The following FLT3 variants were observed in gnomAD, a reference collection of about 807,000 sequenced individuals.
FLT3 encodes receptor-type tyrosine-protein kinase FLT3.
In FLT3, 46 loss-of-function variants were observed where a neutral mutation model predicts 126.6. That is an observed-to-expected ratio of 0.36 (90% CI 0.29 to 0.46). The LOEUF (loss-of-function observed/expected upper bound fraction) is 0.46, where lower values mean the gene tolerates loss of function less well. FLT3 is among the 20% of genes least tolerant of loss of function. FLT3 has a pLI of 1.00. For synonymous variants in FLT3, 404 were observed against 434.4 expected (o/e 0.93, Z 0.87); for missense variants, 1,069 against 1,190.3 (o/e 0.90, Z 1.50).
At chr13:28,015,357 A>G (rs529050126) in intron 21 of FLT3, 101 bp from the exon 22 acceptor site, 15 of 887,512 alleles carry the variant, frequency 1.7e-5, no homozygotes, top group Middle Eastern at 2.2e-4. Context: ...TGTGCCAGAC[A>G]CTGTTGCAGG....
In FLT3 at chr13:28,036,058, G is replaced by A. The variant is rs199950860; in HGVS notation, c.1310-15C>T. 31 of 1,604,252 alleles carry A rather than the reference G, an allele frequency of 1.9e-5. No homozygotes were observed. The African/African-American group carries it at 2.5e-4, about 13-fold the overall frequency. The stretch of plus-strand genomic sequence containing the variant: ...TTGAGGTTTCCCTATAGAAAAGAAC[G>A]TGTGAAATAAGCTCACTGGCTGGGC... On this transcript the variant is annotated splice_polypyrimidine_tract_variant and intron_variant, in intron 10 of 23. Coordinates refer to ENST00000241453, the MANE Select transcript of FLT3 (RefSeq NM_004119.3).
intron 16 of FLT3, 37 bp from the exon 17 acceptor site, chr13:28,027,278 A>G: frequency 6.5e-7 from 1 of 1,546,078 alleles, no homozygotes; most frequent in Non-Finnish European, 8.9e-7. Context: ...GGCATACACA[A>G]AGCAAACTGT....
At chr13:28,047,871 T>A (rs1331686061) in intron 9 of FLT3, among the ~76,000 whole-genome samples, 1 of 152,164 alleles carries the variant, frequency 6.6e-6, no homozygotes, top group Non-Finnish European at 1.5e-5. Flanking sequence ...AAAATTTAAA[T>A]CAATACACCT....
chr13:28,093,902 G>A (rs1879285792), intron 1 of FLT3, among the ~76,000 whole-genome samples: 1 of 151,986 alleles, frequency 6.6e-6, no homozygotes, highest in African/African-American at 2.4e-5. Flanking sequence ...AAACATCTGT[G>A]GAAGGAGGAA....
At chr13:28,005,050 C>T (rs1870756440) in intron 23 of FLT3, among the ~76,000 whole-genome samples, 2 of 152,194 alleles carry the variant, frequency 1.3e-5, no homozygotes, top group African/African-American at 4.8e-5. Flanking sequence ...ACGTAGAAGG[C>T]CGGGCGCAGT....
At position 28,028,193 on chromosome 13, in the gene FLT3, C is replaced by T. The variant is rs1338788116; in HGVS notation, c.2038G>A (p.Ala680Thr). The change falls in exon 16 of 24, where the codon GCG (alanine) becomes ACG (threonine). Residue 680 changes from alanine (A) to threonine (T), a missense_variant. By Grantham distance (58) the Ala-to-Thr change is moderately conservative. Coordinates refer to ENST00000241453, the MANE Select transcript of FLT3 (RefSeq NM_004119.3). ...SHENIVNLLGACTLSGPIYLI... is the reference protein window; with the variant it reads ...SHENIVNLLGTCTLSGPIYLI... ...AGTGGGTTACCTGACAGTGTGCACG[C>T]CCCCAGCAGGTTCACAATATTCTCG... 8 of 1,592,178 alleles carry T rather than the reference C, an allele frequency of 5.0e-6. No homozygotes were observed. In the African/African-American group the frequency reaches 9.4e-5, roughly 19 times the overall value.
chr13:28,063,273 G>C (rs1297492579), intron 2 of FLT3, among the ~76,000 whole-genome samples: 1 of 152,076 alleles, frequency 6.6e-6, no homozygotes, highest in Non-Finnish European at 1.5e-5. Flanking sequence ...GAGGTCAGGA[G>C]TTCGAGACCA....
intron 9 of FLT3, among the ~76,000 whole-genome samples, chr13:28,042,503 T>G (rs553218405): frequency 3.7e-5 from 1 of 27,048 alleles, no homozygotes; most frequent in East Asian, 1.0e-3. Context: ...TAAGGCAATT[T>G]CAGAAAAAGA....
intron 9 of FLT3, among the ~76,000 whole-genome samples, chr13:28,045,915 C>T (rs1178020250): frequency 7.4e-6 from 1 of 135,646 alleles, no homozygotes; most frequent in Non-Finnish European, 1.6e-5. Flanking sequence ...TGGGTTGATG[C>T]CTCTAAGGCA....
intron 17 of FLT3, 46 bp downstream of exon 17, chr13:28,027,042 T>G: frequency 6.4e-7 from 1 of 1,565,168 alleles, no homozygotes; most frequent in Non-Finnish European, 8.7e-7. Flanking sequence ...ACACTTTGCC[T>G]ACGTTCTATG....
Position 28,035,480 on chromosome 13 carries a change from GAAC to G in FLT3, c.1597+12_1597+14del. On this transcript the variant is annotated intron_variant, in intron 12 of 23. Coordinates refer to ENST00000241453, the MANE Select transcript of FLT3 (RefSeq NM_004119.3). ...AATTCCTGATGGTGGAATATCACAA[GAAC>G]AACTGTTGTACCTGGAGAGTTTAAA... 1 of 1,604,376 alleles carries G rather than the reference GAAC, an allele frequency of 6.2e-7. No homozygotes were observed. Among genetic ancestry groups the G allele is most frequent in the Non-Finnish European group, 8.5e-7 (1 of 1,176,352 alleles).
intron 1 of FLT3, among the ~76,000 whole-genome samples, chr13:28,081,915 G>A (rs141866741): frequency 1.2e-3 from 161 of 133,058 alleles, no homozygotes; most frequent in African/African-American, 4.3e-3. Context: ...GGAGTACAAT[G>A]GTGCGATCTT....
chr13:28,037,889 G>A (rs575834636), intron 9 of FLT3, among the ~76,000 whole-genome samples: 1 of 152,184 alleles, frequency 6.6e-6, no homozygotes, highest in Non-Finnish European at 1.5e-5. Flanking sequence ...GATCTAGGTT[G>A]TGCGTTCCTT....
chr13:28,035,823 G>T, intron 11 of FLT3, 112 bp downstream of exon 11: 4 of 1,218,292 alleles, frequency 3.3e-6, no homozygotes, highest in Non-Finnish European at 3.6e-6. Context: ...GATTGAGAAG[G>T]TTAGCATTTT....
chr13:28,098,302 A>G (rs1962015), intron 1 of FLT3, among the ~76,000 whole-genome samples: 50,502 of 145,280 alleles, frequency 0.35, 10,717 homozygotes, highest in African/African-American at 0.6. Context: ...GTGACAGAGC[A>G]AGACTCCGTC....
chr13:28,040,958 G>A (rs371495364), intron 9 of FLT3, among the ~76,000 whole-genome samples: 166 of 138,466 alleles, frequency 1.2e-3, no homozygotes, highest in African/African-American at 4.2e-3. Context: ...AGCAAGACCC[G>A]GACTCAAAAA....
chr13:28,037,925 G>C (rs1040804789), intron 9 of FLT3, among the ~76,000 whole-genome samples: 4 of 152,170 alleles, frequency 2.6e-5, no homozygotes, highest in Admixed American at 1.3e-4. Context: ...CCGATGATCT[G>C]AGATAGAACA....
At chr13:28,099,173 A>T (rs1879662226) in intron 1 of FLT3, among the ~76,000 whole-genome samples, 1 of 152,220 alleles carries the variant, frequency 6.6e-6, no homozygotes, top group Admixed American at 6.5e-5. Context: ...ATGCAGCTTA[A>T]ATATCGTTGC....
rs542555739 is a variant in FLT3 at position 28,057,344 on chromosome 13, T to G, written c.484+3A>C. 1 of 1,218,158 alleles carries G rather than the reference T, an allele frequency of 8.2e-7. No individual in the cohort carries two copies. 75.5% of individuals were successfully genotyped at this position (1,218,158 alleles called of 1,614,324 possible). ...TGGAATACTAGTAGCAGGCTGGACT[T>G]ACTTCTTATACTCACTGTAAACAAT... is the stretch of plus-strand genomic sequence containing the variant. On this transcript the variant is annotated splice_donor_region_variant and intron_variant, in intron 4 of 23. Transcript: ENST00000241453.
Sources: allele counts gnomAD v4.1 joint callset (sites outside exome capture counted in the v4.1 genomes callset), GRCh38; gene constraint gnomAD v4.1.1; transcripts MANE v1.5; gene names NCBI Gene and HGNC (gene_info 2026-07-23, HGNC 2026-07-21).